The following RHOU variants were observed in gnomAD, a reference collection of about 807,000 sequenced individuals.
RHOU encodes ras homolog family member U, also known as rho-related GTP-binding protein RhoU.
In RHOU, 8 loss-of-function variants were observed where a neutral mutation model predicts 12.6. That is an observed-to-expected ratio of 0.64 (90% CI 0.37 to 1.15). The LOEUF (loss-of-function observed/expected upper bound fraction) is 1.15, where lower values mean the gene tolerates loss of function less well. Among genes scored for constraint, RHOU ranks in the 50% most tolerant of loss-of-function variants. The pLI, the probability that RHOU is intolerant of heterozygous loss-of-function variation, is 0.01. For missense variants in RHOU, 258 were observed against 347.0 expected, an observed-to-expected ratio of 0.74 and a Z score of 2.04; for synonymous variants, 161 against 147.4, an observed-to-expected ratio of 1.09 and a Z score of -0.67.
the RHOU span, chr1:228,687,564 G>C: frequency 1.9e-6 from 3 of 1,553,728 alleles, no homozygotes; most frequent in Non-Finnish European, 2.6e-6. Flanking sequence ...CTGGGAGAGC[G>C]GGCTGAATGC....
the RHOU span, among the ~76,000 whole-genome samples, chr1:228,646,842 T>C: frequency 6.6e-6 from 1 of 150,822 alleles, no homozygotes; most frequent in African/African-American, 2.4e-5. Flanking sequence ...ACACACGGCT[T>C]GAAGGAGAGC....
At chr1:228,681,100 C>T in the RHOU span, among the ~76,000 whole-genome samples, 1 of 152,082 alleles carries the variant, frequency 6.6e-6, no homozygotes, top group African/African-American at 2.4e-5. Flanking sequence ...TATTGGAATT[C>T]CTGTATATAT....
the RHOU span, among the ~76,000 whole-genome samples, chr1:228,709,775 C>T: frequency 9.2e-5 from 14 of 151,948 alleles, 1 homozygote; most frequent in South Asian, 2.5e-3. Flanking sequence ...CAAACATATT[C>T]AAAAGCTAGC....
intron 1 of RHOU, among the ~76,000 whole-genome samples, chr1:228,736,786 T>G (rs1466675069): frequency 6.6e-6 from 1 of 152,194 alleles, no homozygotes; most frequent in South Asian, 2.1e-4. Flanking sequence ...AAGAAAAAGT[T>G]AAAATTCACA....
At chr1:228,694,990 G>C in the RHOU span, among the ~76,000 whole-genome samples, 111 of 152,158 alleles carry the variant, frequency 7.3e-4, 1 homozygote, top group Admixed American at 6.4e-3. Flanking sequence ...TTTATTTTGA[G>C]ACAAGGTATC....
At chr1:228,729,149 C>T in the RHOU span, among the ~76,000 whole-genome samples, 1 of 152,070 alleles carries the variant, frequency 6.6e-6, no homozygotes, top group South Asian at 2.1e-4. Context: ...CTGCCTGGGC[C>T]TCTCAAAGTG....
At chr1:228,689,102 G>A in the RHOU span, among the ~76,000 whole-genome samples, 592 of 152,254 alleles carry the variant, frequency 3.9e-3, 19 homozygotes, top group East Asian at 0.096. Flanking sequence ...CCTCACTTCC[G>A]TCTCCCTCAT....
At chr1:228,653,302 G>C in the RHOU span, among the ~76,000 whole-genome samples, 1 of 152,054 alleles carries the variant, frequency 6.6e-6, no homozygotes, top group Non-Finnish European at 1.5e-5. Flanking sequence ...AGTCAGGCTG[G>C]TGCCATCATG....
the RHOU span, among the ~76,000 whole-genome samples, chr1:228,714,459 G>A: frequency 6.6e-6 from 1 of 152,024 alleles, no homozygotes; most frequent in Admixed American, 6.6e-5. Context: ...GCATTTTGGA[G>A]GATAGTTCCT....
the RHOU span, among the ~76,000 whole-genome samples, chr1:228,708,726 G>A: frequency 2.0e-5 from 3 of 151,542 alleles, no homozygotes; most frequent in African/African-American, 4.9e-5. Flanking sequence ...AAAGACCATC[G>A]AGACTAGGAA....
the RHOU span, among the ~76,000 whole-genome samples, chr1:228,670,258 T>A: frequency 6.6e-6 from 1 of 152,154 alleles, no homozygotes; most frequent in Non-Finnish European, 1.5e-5. Flanking sequence ...TGAGAACAGA[T>A]CCTTGTCAAA....
At chr1:228,703,739 A>G in the RHOU span, among the ~76,000 whole-genome samples, 3 of 152,172 alleles carry the variant, frequency 2.0e-5, no homozygotes, top group Non-Finnish European at 4.4e-5. Flanking sequence ...AATCAAGGCC[A>G]TTTAATCTGA....
chr1:228,732,890 G>A (rs988768672), upstream of RHOU, among the ~76,000 whole-genome samples: 1 of 152,142 alleles, frequency 6.6e-6, no homozygotes, highest in African/African-American at 2.4e-5. Context: ...AGTGAGAAAT[G>A]CATCACAATA....
the RHOU span, among the ~76,000 whole-genome samples, chr1:228,646,704 A>G: frequency 1.3e-5 from 2 of 148,828 alleles, no homozygotes; most frequent in Non-Finnish European, 3.0e-5. Flanking sequence ...ACCCAGACAC[A>G]CCCCACCGCC....
At chr1:228,742,014 G>A (rs1341613916) in intron 2 of RHOU, among the ~76,000 whole-genome samples, 1 of 152,182 alleles carries the variant, frequency 6.6e-6, no homozygotes, top group Non-Finnish European at 1.5e-5. Flanking sequence ...AAAAAGCCAC[G>A]GATGGAGTAT....
At chr1:228,699,204 A>G in the RHOU span, among the ~76,000 whole-genome samples, 1 of 151,848 alleles carries the variant, frequency 6.6e-6, no homozygotes, top group South Asian at 2.1e-4. Flanking sequence ...AAGCTGAGGC[A>G]GGAGGCTGAG....
At chr1:228,671,016 T>C in the RHOU span, among the ~76,000 whole-genome samples, 3 of 152,176 alleles carry the variant, frequency 2.0e-5, no homozygotes, top group Non-Finnish European at 2.9e-5. Context: ...GTTGTTGTTG[T>C]TTTTTCAGAT....
At chr1:228,648,386 G>A in the RHOU span, among the ~76,000 whole-genome samples, 9 of 152,194 alleles carry the variant, frequency 5.9e-5, no homozygotes, top group African/African-American at 1.9e-4. Flanking sequence ...CCCCGGCTCC[G>A]GAGCTCCAGA....
At chr1:228,692,034 G>A in the RHOU span, among the ~76,000 whole-genome samples, 1 of 152,196 alleles carries the variant, frequency 6.6e-6, no homozygotes, top group African/African-American at 2.4e-5. Flanking sequence ...AAATGCAGTG[G>A]TTGCTTTTAA....
Sources: gnomAD v4.1 joint callset for allele counts (sites outside exome capture counted in the v4.1 genomes callset) on GRCh38, gnomAD v4.1.1 for gene constraint, MANE v1.5 for transcripts, NCBI Gene and HGNC (gene_info 2026-07-23, HGNC 2026-07-21) for gene names.